Variants in TBC1D32 observed in about 807,000 individuals in gnomAD.
TBC1D32 encodes the protein TBC1 domain family member 32, also known as protein broad-minded.
In TBC1D32, 151 loss-of-function variants were observed where a neutral mutation model predicts 170.3. The observed-to-expected ratio is 0.89, with a 90% CI of 0.78 to 1.01. The LOEUF (loss-of-function observed/expected upper bound fraction) is 1.01. Ranked by LOEUF, TBC1D32 falls within the 50% of genes least tolerant of loss-of-function variation. The pLI, the probability that TBC1D32 is intolerant of heterozygous loss-of-function variation, is 0.00. For synonymous variants in TBC1D32, 498 were observed against 488.0 expected (o/e 1.02, Z -0.27); for missense variants, 1,464 against 1,457.1 (o/e 1.00, Z -0.08).
intron 26 of TBC1D32, among the ~76,000 whole-genome samples, chr6:121,121,745 A>C (rs932061374): frequency 1.3e-5 from 2 of 151,992 alleles, no homozygotes; most frequent in Non-Finnish European, 2.9e-5. Flanking sequence ...TTATTTGACA[A>C]ACATTTATTG....
intron 12 of TBC1D32, among the ~76,000 whole-genome samples, chr6:121,287,434 A>G (rs1804050096): frequency 3.3e-5 from 5 of 152,220 alleles, no homozygotes; most frequent in Admixed American, 3.3e-4. Context: ...AAAGGGATCA[A>G]TTCAACAAGA....
At position 121,239,167 on chromosome 6, in the gene TBC1D32, G is replaced by T; in HGVS notation, c.2267C>A (p.Thr756Asn). ...KKSGFINELI[T>N]ELWSNLEYGR... ...ATATTCCAGATTGGACCATAATTCAGTTATAAGTTCATTAATAAACCCTAA... is the reference window on the plus strand; with the variant it reads ...ATATTCCAGATTGGACCATAATTCATTTATAAGTTCATTAATAAACCCTAA... The change falls in exon 20 of 32, where the codon ACT (threonine) becomes AAT (asparagine). Residue 756 changes from threonine (T) to asparagine (N), a missense_variant. Thr to Asn is a moderately conservative substitution (Grantham distance 65, BLOSUM62 0). Around this residue, in one of 3 missense-constraint regions of TBC1D32, gnomAD observed 1,363 missense variants for 1,338.1 expected, o/e 1.02. Coordinates refer to ENST00000398212, the MANE Select transcript of TBC1D32 (RefSeq NM_152730.6). 1 of 1,593,484 alleles carries T rather than the reference G, an allele frequency of 6.3e-7. No individual in the cohort carries two copies. The highest frequency in any genetic ancestry group is 8.6e-7 in the Non-Finnish European group (1 of 1,164,748).
At chr6:121,283,708 T>C (rs1197792636) in intron 13 of TBC1D32, 110 bp downstream of exon 13, 4 of 735,590 alleles carry the variant, frequency 5.4e-6, no homozygotes, top group South Asian at 1.9e-5. Context: ...TGTATCTTAA[T>C]GAAACCTACT....
rs552517588 is a variant in TBC1D32 at position 121,159,528 on chromosome 6, T to G, written c.2773+482A>C. Among the ~76,000 whole-genome samples the G allele has an allele frequency of 1.6e-4, 25 of 152,262 alleles. No individual in the cohort carries two copies. In the South Asian group the frequency reaches 5.0e-3, roughly 30 times the overall value. ...ATTGCTTAATATAATGAGAATACAT[T>G]CTGAGAATTGCATCCTCAAGCAATT... On this transcript the variant is annotated intron_variant, in intron 24 of 31. Transcript: ENST00000398212.
intron 17 of TBC1D32, among the ~76,000 whole-genome samples, chr6:121,246,679 T>C (rs1256372641): frequency 6.6e-6 from 1 of 151,236 alleles, no homozygotes; most frequent in African/African-American, 2.4e-5. Context: ...GAAATAGATA[T>C]AATAAAGAAA....
chr6:121,093,488 G>A (rs1166241193), intron 30 of TBC1D32, among the ~76,000 whole-genome samples: 2 of 152,076 alleles, frequency 1.3e-5, no homozygotes, highest in African/African-American at 4.8e-5. Context: ...GGATAACGAA[G>A]GAGAAACAAT....
At chr6:121,149,193 C>G (rs1271893031) in intron 24 of TBC1D32, among the ~76,000 whole-genome samples, 2 of 151,996 alleles carry the variant, frequency 1.3e-5, no homozygotes. Flanking sequence ...AATTTTTTCT[C>G]CCATTCTGTA....
At chr6:121,150,392 T>G (rs1382329552) in intron 24 of TBC1D32, among the ~76,000 whole-genome samples, 2 of 152,216 alleles carry the variant, frequency 1.3e-5, no homozygotes, top group Non-Finnish European at 2.9e-5. Context: ...AATATGCTGC[T>G]GGGTTCAGTT....
chr6:121,263,542 C>G lies in TBC1D32; in HGVS notation c.1734-7257G>C, dbSNP rs559700080. On this transcript the variant is annotated intron_variant, in intron 15 of 31. Coordinates refer to ENST00000398212, the MANE Select transcript of TBC1D32 (RefSeq NM_152730.6). ...ATGAGACAGTGGGGTATTAACGAGACAGAAAATTAACAAGGATACTCAGGA... is the reference window on the plus strand; with the variant it reads ...ATGAGACAGTGGGGTATTAACGAGAGAGAAAATTAACAAGGATACTCAGGA... Among the ~76,000 whole-genome samples, 8 of 152,160 alleles carry G rather than the reference C, an allele frequency of 5.3e-5. No individual in the cohort carries two copies. The East Asian group carries it at 1.6e-3, about 30-fold the overall frequency.
chr6:121,137,579 AT>A (rs906944529), intron 24 of TBC1D32, among the ~76,000 whole-genome samples: 23 of 151,804 alleles, frequency 1.5e-4, no homozygotes, highest in African/African-American at 5.6e-4. Context: ...TAAAAAATCG[AT>A]TGATAGTTGA....
chr6:121,316,990 T>C (rs1248709108), intron 3 of TBC1D32, among the ~76,000 whole-genome samples: 3 of 152,110 alleles, frequency 2.0e-5, no homozygotes, highest in Non-Finnish European at 4.4e-5. Flanking sequence ...TTCTGTTAAC[T>C]TTGCTGCAGC....
chr6:121,189,360 C>T (rs1218852235), intron 22 of TBC1D32, among the ~76,000 whole-genome samples: 2 of 151,934 alleles, frequency 1.3e-5, no homozygotes, highest in East Asian at 1.9e-4. Context: ...AAGACTGACA[C>T]AGTGAGTCTA....
At chr6:121,299,013 C>T (rs4612203) in intron 10 of TBC1D32, among the ~76,000 whole-genome samples, 2,668 of 152,184 alleles carry the variant, frequency 0.018, 26 homozygotes, top group South Asian at 0.041. Context: ...ATTAAGTCTA[C>T]ATTTGGTATA....
intron 20 of TBC1D32, among the ~76,000 whole-genome samples, chr6:121,226,922 T>A (rs1795141278): frequency 6.8e-6 from 1 of 148,078 alleles, no homozygotes; most frequent in Admixed American, 6.6e-5. Context: ...ACACCAGGCT[T>A]CTGAAGCCAA....
intron 22 of TBC1D32, among the ~76,000 whole-genome samples, chr6:121,188,010 T>A (rs527587775): frequency 4.9e-4 from 74 of 152,258 alleles, no homozygotes; most frequent in African/African-American, 1.7e-3. Flanking sequence ...ATTACATTCT[T>A]TGGAACCGGT....
intron 17 of TBC1D32, among the ~76,000 whole-genome samples, chr6:121,246,379 A>G (rs1797601363): frequency 6.6e-6 from 1 of 152,152 alleles, no homozygotes; most frequent in Non-Finnish European, 1.5e-5. Context: ...AGAGAAAAAA[A>G]ATTTTTCTAA....
chr6:121,176,181 T>C (rs138619108), intron 22 of TBC1D32, among the ~76,000 whole-genome samples: 221 of 152,266 alleles, frequency 1.5e-3, no homozygotes, highest in African/African-American at 4.1e-3. Context: ...GAAAAAAATA[T>C]ATCACTGTGT....
chr6:121,330,764 C>T (rs1342400777), intron 1 of TBC1D32, among the ~76,000 whole-genome samples: 1 of 152,102 alleles, frequency 6.6e-6, no homozygotes, highest in Non-Finnish European at 1.5e-5. Flanking sequence ...TAAATAGCCC[C>T]CAGATGGTTC....
At chr6:121,241,388 T>C in intron 19 of TBC1D32, 77 bp downstream of exon 19, 1 of 1,190,814 alleles carries the variant, frequency 8.4e-7, no homozygotes. Flanking sequence ...TACTTAATTG[T>C]GCCAGTTAAA....
Sources: gnomAD v4.1 joint callset for allele counts (sites outside exome capture counted in the v4.1 genomes callset) on GRCh38, gnomAD v4.1.1 for gene constraint, gnomAD v4.1.1 regional missense constraint, MANE v1.5 for transcripts, NCBI Gene and HGNC (gene_info 2026-07-23, HGNC 2026-07-21) for gene names.